Variants in TEKT2 observed in about 807,000 individuals in gnomAD.
The protein encoded by TEKT2 is tektin-2.
In TEKT2, 45 loss-of-function variants were observed where a neutral mutation model predicts 49.8. The observed-to-expected ratio is 0.90, with a 90% CI of 0.71 to 1.16. TEKT2 has a LOEUF of 1.16. TEKT2 is among the 50% of genes most tolerant of loss of function. The pLI is 0.00. For synonymous variants in TEKT2, 202 were observed against 224.6 expected (o/e 0.90, Z 0.90); for missense variants, 523 against 551.4 (o/e 0.95, Z 0.52).
Position 36,086,770 on chromosome 1 carries a change from C to A in TEKT2, c.555C>A (p.Ile185=), listed in dbSNP as rs200428414. ...GGGGCAAAATGGAGACACTAGAGAT[C>A]GACAGAGGCTGTCTCTCTCTCAACC... ...DHRGKMETLE[I]DRGCLSLNLR... The change falls in exon 5 of 10, where the codon ATC becomes ATA. Residue 185 remains isoleucine (I), a synonymous_variant. Coordinates refer to ENST00000207457, the MANE Select transcript of TEKT2 (RefSeq NM_014466.3). The A allele has an allele frequency of 1.9e-6, 3 of 1,614,072 alleles. No individual in the cohort carries two copies. Among genetic ancestry groups the A allele is most frequent in the South Asian group, 2.2e-5 (2 of 91,076 alleles).
chr1:36,086,405 C>T (rs1388751446), intron 4 of TEKT2, among the ~76,000 whole-genome samples: 1 of 152,100 alleles, frequency 6.6e-6, no homozygotes, highest in East Asian at 1.9e-4. Context: ...GTCAGCATTT[C>T]CACTCGATTT....
chr1:36,086,769 T>G lies in TEKT2; in HGVS notation c.554T>G (p.Ile185Ser), dbSNP rs766435497. The change falls in exon 5 of 10, where the codon ATC (isoleucine) becomes AGC (serine). Residue 185 changes from isoleucine (I) to serine (S), a missense_variant. Ile to Ser is a moderately radical substitution (Grantham distance 142). Transcript: ENST00000207457. ...CGGGGCAAAATGGAGACACTAGAGA[T>G]CGACAGAGGCTGTCTCTCTCTCAAC... Reference protein sequence around the residue: ...DHRGKMETLEIDRGCLSLNLR... With the variant: ...DHRGKMETLESDRGCLSLNLR... The G allele has an allele frequency of 4.3e-6, 7 of 1,613,890 alleles. No homozygotes were observed. The highest frequency in any genetic ancestry group is 2.2e-5 in the South Asian group (2 of 91,074).
In TEKT2 at chr1:36,087,937, C is replaced by T. The variant is rs1643411701; in HGVS notation, c.1080-36C>T. The T allele has an allele frequency of 6.3e-7, 1 of 1,598,150 alleles. No homozygotes were observed. On this transcript the variant is annotated intron_variant, in intron 9 of 9. Transcript: ENST00000207457. The surrounding 1 kb of genome is among the most constrained non-coding windows in gnomAD (Gnocchi z 4.9). ...GCACGCAGCCCAGGCCTCCCAGCCT[C>T]ATGGGGGCTGGGGGGTTGTCAATGT...
chr1:36,086,793 A>G lies in TEKT2; in HGVS notation c.578A>G (p.Asn193Ser), dbSNP rs1232116024. ...LEIDRGCLSL[N>S]LRSPNISLKV... Reference sequence around the variant, plus strand: ...ATCGACAGAGGCTGTCTCTCTCTCAACCTCAGATCCCCAAACATCTCGCTG... The same window carrying G: ...ATCGACAGAGGCTGTCTCTCTCTCAGCCTCAGATCCCCAAACATCTCGCTG... The change falls in exon 5 of 10, where the codon AAC becomes AGC. Residue 193 changes from asparagine (N) to serine (S), a missense_variant. By Grantham distance (46) the Asn-to-Ser change is conservative. Transcript: ENST00000207457. 6.2e-7 allele frequency: 1 copy of G among 1,613,864 alleles called. No homozygotes were observed. The highest frequency in any genetic ancestry group is 1.3e-5 in the African/African-American group (1 of 74,828).
intron 4 of TEKT2, 69 bp downstream of exon 4, chr1:36,086,110 C>T (rs1643369243): frequency 1.3e-6 from 2 of 1,517,058 alleles, no homozygotes; most frequent in African/African-American, 1.4e-5. Flanking sequence ...ATGTGGAACA[C>T]AGGTATTGTG....
At position 36,087,022 on chromosome 1, in the gene TEKT2, G is replaced by A; in HGVS notation, c.724G>A (p.Ala242Thr). 1.2e-6 allele frequency: 2 copies of A among 1,613,986 alleles called. No individual in the cohort carries two copies. Among genetic ancestry groups the A allele is most frequent in the Non-Finnish European group, 1.7e-6 (2 of 1,180,020 alleles). ...EMKAATELRE[A>T]TALTIAETNN... ...GAAGGCAGCCACAGAGCTGAGGGAG[G>A]CCACTGCTCTAACTATTGCTGAGGT... Residue 242 changes from alanine (A) to threonine (T), a missense_variant, in exon 6 of 10, where the codon GCC (alanine) becomes ACC (threonine). Coordinates refer to ENST00000207457, the MANE Select transcript of TEKT2 (RefSeq NM_014466.3). The surrounding 1 kb of genome is among the most constrained non-coding windows in gnomAD (Gnocchi z 4.9).
chr1:36,087,816 C>T lies in TEKT2; in HGVS notation c.1079+9C>T, dbSNP rs755584158. On this transcript the variant is annotated intron_variant, in intron 9 of 9. Transcript: ENST00000207457. The surrounding 1 kb of genome is among the most constrained non-coding windows in gnomAD (Gnocchi z 4.9). ...AAGCTGGCGCAAGCACAGTAGGTCTCGGGAGTGGGCGGAAGGAGCAGTGAG... is the reference window on the plus strand; with the variant it reads ...AAGCTGGCGCAAGCACAGTAGGTCTTGGGAGTGGGCGGAAGGAGCAGTGAG... The T allele has an allele frequency of 1.1e-5, 17 of 1,613,340 alleles. No homozygotes were observed. The East Asian group carries it at 1.8e-4, about 17-fold the overall frequency.
At position 36,084,368 on chromosome 1, in the gene TEKT2, A is replaced by AGGGGGCCGCCCC. The variant is rs985052060; in HGVS notation, c.-53+232_-53+243dup. 2.0e-5 allele frequency: 3 copies of AGGGGGCCGCCCC among 153,400 alleles called. No individual in the cohort carries two copies. Among genetic ancestry groups the AGGGGGCCGCCCC allele is most frequent in the East Asian group, 4.1e-4 (2 of 4,836 alleles). The allele number at this position is 153,400 out of a possible 1,614,324, so 9.5% of individuals were successfully genotyped here. On this transcript the variant is annotated intron_variant, in intron 1 of 9. Transcript: ENST00000207457. This position sits in a 1 kb window ranked among gnomAD's most constrained non-coding sequence, Gnocchi z 4.1. Reference sequence around the variant, plus strand: ...AGGGCGTGGCGGCTACCAGACGGGGAGGGGGCCGCCCCGGGGGCCGCCCCC... The same window carrying AGGGGGCCGCCCC: ...AGGGCGTGGCGGCTACCAGACGGGGAGGGGGCCGCCCCGGGGGCCGCCCCGGGGGCCGCCCCC...
rs1569998423 is a variant in TEKT2, at chr1:36,085,397, C to T, written c.282+109C>T. 9 of 1,548,276 alleles carry T rather than the reference C, an allele frequency of 5.8e-6. No individual in the cohort carries two copies. The East Asian group carries it at 1.4e-4, about 24-fold the overall frequency. On this transcript the variant is annotated intron_variant, in intron 3 of 9. Coordinates refer to ENST00000207457, the MANE Select transcript of TEKT2 (RefSeq NM_014466.3). ...GGGGGTCATGAGTGGCATGTCCATC[C>T]GAGTCACTGGCCCCCTGCTAAAGTG...
chr1:36,085,622 C>T (rs771919854), intron 3 of TEKT2: 7 of 546,950 alleles, frequency 1.3e-5, no homozygotes, highest in African/African-American at 2.0e-5. Flanking sequence ...TCAAGCGATT[C>T]TCCTGCCTCA....
At position 36,087,121 on chromosome 1, in the gene TEKT2, T is replaced by TG; in HGVS notation, c.747+78dup. The stretch of plus-strand genomic sequence containing the variant: ...TATCTTCTGTTCCCTGCTGTGCATG[T>TG]GGCCCCCTGCCCCTCGCTTGAGTAA... On this transcript the variant is annotated intron_variant, in intron 6 of 9. Transcript: ENST00000207457. This position sits in a 1 kb window ranked among gnomAD's most constrained non-coding sequence, Gnocchi z 4.9. 6.2e-7 allele frequency: 1 copy of TG among 1,604,694 alleles called. No homozygotes were observed.
chr1:36,087,987 C>A lies in TEKT2; in HGVS notation c.1094C>A (p.Ala365Asp), dbSNP rs769942508. The A allele has an allele frequency of 1.2e-6, 2 of 1,610,710 alleles. No homozygotes were observed. Among genetic ancestry groups the A allele is most frequent in the Non-Finnish European group, 8.5e-7 (1 of 1,179,092 alleles). ...KLAQAQDALD[A>D]LCKHLARLQA... ...TCCTTCCCTAGGGACGCACTGGACG[C>A]CCTGTGCAAGCACCTGGCCCGGCTG... Residue 365 changes from alanine to aspartate, a missense_variant, in exon 10 of 10, where the codon GCC becomes GAC. Transcript: ENST00000207457. The surrounding 1 kb of genome is among the most constrained non-coding windows in gnomAD (Gnocchi z 4.9).
intron 3 of TEKT2, chr1:36,085,611 C>G (rs1203211150): frequency 1.6e-5 from 9 of 555,674 alleles, no homozygotes; most frequent in Non-Finnish European, 2.2e-5. Context: ...GCCTCCTGGG[C>G]TCAAGCGATT....
In TEKT2 at chr1:36,086,852, G is replaced by C. The variant is rs373130098; in HGVS notation, c.632+5G>C. ...CCCCACACGTGTACCTGATGGGTAAGAAGAGTGTTTCAGCCAGTCTCTTCT... is the reference window on the plus strand; with the variant it reads ...CCCCACACGTGTACCTGATGGGTAACAAGAGTGTTTCAGCCAGTCTCTTCT... On this transcript the variant is annotated splice_donor_5th_base_variant and intron_variant, in intron 5 of 9. Transcript: ENST00000207457. 8.1e-6 allele frequency: 13 copies of C among 1,614,042 alleles called. No homozygotes were observed. The highest frequency in any genetic ancestry group is 2.7e-5 in the African/African-American group (2 of 74,920).
rs1315136440 is a variant in TEKT2, at chr1:36,087,453, C to T, written c.870C>T (p.Ile290=). The change falls in exon 8 of 10, where the codon ATC becomes ATT. Residue 290 remains isoleucine, a synonymous_variant. Coordinates refer to ENST00000207457, the MANE Select transcript of TEKT2 (RefSeq NM_014466.3). The surrounding 1 kb of genome is among the most constrained non-coding windows in gnomAD (Gnocchi z 4.9). ...KWQEKNTLEE[I]AELQEDIRHL... ...GTCCCCTGCAGACCTTGGAGGAGAT[C>T]GCTGAGCTGCAGGAGGACATCCGGC... 5.0e-6 allele frequency: 8 copies of T among 1,613,688 alleles called. No homozygotes were observed. Among genetic ancestry groups the T allele is most frequent in the African/African-American group, 1.3e-5 (1 of 74,936 alleles).
chr1:36,085,369 ATGGGGGGT>A, intron 3 of TEKT2, 81 bp downstream of exon 3: 1 of 1,601,004 alleles, frequency 6.2e-7, no homozygotes, highest in Non-Finnish European at 8.5e-7. Flanking sequence ...GAAGCCCTTG[ATGGGGGGT>A]CATGAGTGGC....
In TEKT2 at chr1:36,087,337, T is replaced by G; in HGVS notation, c.855+26T>G. On this transcript the variant is annotated intron_variant, in intron 7 of 9. Transcript: ENST00000207457. The surrounding 1 kb of genome is among the most constrained non-coding windows in gnomAD (Gnocchi z 4.9). ...GTGAGCATCTCCAGGGGCCTGGACT[T>G]CCTGCTGTGGGATGAGAAGCCGCAT... The G allele has an allele frequency of 6.2e-7, 1 of 1,613,932 alleles. No homozygotes were observed. The highest frequency in any genetic ancestry group is 8.5e-7 in the Non-Finnish European group (1 of 1,179,964).
chr1:36,087,538 G>C lies in TEKT2; in HGVS notation c.955G>C (p.Glu319Gln), dbSNP rs757802362. 31 of 1,613,874 alleles carry C rather than the reference G, an allele frequency of 1.9e-5. No homozygotes were observed. Among genetic ancestry groups the C allele is most frequent in the Non-Finnish European group, 2.5e-5 (29 of 1,180,030 alleles). ...LSLKLSHTRLEARTYRPNVEL... is the reference protein window; with the variant it reads ...LSLKLSHTRLQARTYRPNVEL... ...CCTGAAGCTGTCCCATACCCGGCTA[G>C]AGGCCAGAACCTACCGGCCCAACGT... Residue 319 changes from glutamate (E) to glutamine (Q), a missense_variant, in exon 8 of 10, where the codon GAG becomes CAG. Coordinates refer to ENST00000207457, the MANE Select transcript of TEKT2 (RefSeq NM_014466.3). This position sits in a 1 kb window ranked among gnomAD's most constrained non-coding sequence, Gnocchi z 4.9.
rs1297228254 is a variant in TEKT2 at position 36,084,611 on chromosome 1, G to A, written c.-52-259G>A. The A allele has an allele frequency of 1.0e-5, 5 of 502,238 alleles. No individual in the cohort carries two copies. The highest frequency in any genetic ancestry group is 5.8e-5 in the African/African-American group (3 of 52,090). The allele number at this position is 502,238 out of a possible 1,614,324, so 31.1% of individuals were successfully genotyped here. On this transcript the variant is annotated intron_variant, in intron 1 of 9. Transcript: ENST00000207457. The surrounding 1 kb of genome is among the most constrained non-coding windows in gnomAD (Gnocchi z 4.1). ...ATTTGGCACTTCACACACACTTCGA[G>A]GCTTCCGGGACTCCATTATTCCTTT...
Sources: allele counts gnomAD v4.1 joint callset (sites outside exome capture counted in the v4.1 genomes callset), GRCh38; gene constraint gnomAD v4.1.1; non-coding constraint Gnocchi (gnomAD v3.1); transcripts MANE v1.5; gene names NCBI Gene and HGNC (gene_info 2026-07-23, HGNC 2026-07-21).